Variants in KAZN observed in about 807,000 individuals in gnomAD.
KAZN encodes the protein kazrin, periplakin interacting protein, also known as kazrin.
In KAZN, 40 loss-of-function variants were observed where a neutral mutation model predicts 87.4. The ratio of observed to expected loss-of-function variants is 0.46; its 90% confidence interval spans 0.36 to 0.60. The LOEUF (loss-of-function observed/expected upper bound fraction) is 0.60, where lower values mean the gene tolerates loss of function less well. Ranked by LOEUF, KAZN falls within the 20% of genes least tolerant of loss-of-function variation. KAZN has a pLI of 0.00. For missense variants in KAZN, 898 were observed against 1,073.9 expected (o/e 0.84, Z 2.29); for synonymous variants, 466 against 458.3 (o/e 1.02, Z -0.22).
chr1:14,680,161 G>T (rs1044769931), intron 1 of KAZN, among the ~76,000 whole-genome samples: 6 of 152,298 alleles, frequency 3.9e-5, no homozygotes, highest in Middle Eastern at 3.4e-3. Context: ...ATTACGGTAT[G>T]ATTCACATAC....
intron 2 of KAZN, among the ~76,000 whole-genome samples, chr1:14,469,437 C>G (rs1460282190): frequency 6.6e-6 from 1 of 152,172 alleles, no homozygotes; most frequent in African/African-American, 2.4e-5. Flanking sequence ...CTCTTTCACT[C>G]CATTCCATTC....
At chr1:14,778,332 C>T (rs74059356) in intron 1 of KAZN, among the ~76,000 whole-genome samples, 1,880 of 151,558 alleles carry the variant, frequency 0.012, 46 homozygotes, top group African/African-American at 0.042. Flanking sequence ...GTGTCAAAAC[C>T]GCAAAAGGAA....
intron 1 of KAZN, among the ~76,000 whole-genome samples, chr1:14,077,323 G>T (rs546512066): frequency 1.1e-4 from 17 of 152,274 alleles, no homozygotes; most frequent in Non-Finnish European, 2.4e-4. Context: ...TGTCTGTAAA[G>T]GGCTGTCCCC....
intron 2 of KAZN, among the ~76,000 whole-genome samples, chr1:14,388,012 C>T (rs1470669071): frequency 6.6e-6 from 1 of 152,252 alleles, no homozygotes; most frequent in African/African-American, 2.4e-5. Flanking sequence ...GATATAATCT[C>T]CTGGTGTGCC....
At chr1:14,606,568 G>A (rs953664783) in intron 1 of KAZN, among the ~76,000 whole-genome samples, 1 of 152,112 alleles carries the variant, frequency 6.6e-6, no homozygotes, top group African/African-American at 2.4e-5. Context: ...GGCAAAGCCA[G>A]AGTCTTGTGG....
At chr1:14,300,806 T>C (rs1389184642) in intron 2 of KAZN, among the ~76,000 whole-genome samples, 5 of 152,164 alleles carry the variant, frequency 3.3e-5, no homozygotes, top group African/African-American at 1.2e-4. Flanking sequence ...ACAAATCAGT[T>C]TGGCGTATCA....
intron 1 of KAZN, among the ~76,000 whole-genome samples, chr1:14,167,740 C>CAAAAGA (rs112522340): frequency 6.6e-6 from 1 of 151,714 alleles, no homozygotes; most frequent in African/African-American, 2.4e-5. Context: ...AAAACAAAAA[C>CAAAAGA]AAACAAGGAA....
At chr1:14,040,358 G>A (rs76565169) in intron 1 of KAZN, among the ~76,000 whole-genome samples, 1 of 152,134 alleles carries the variant, frequency 6.6e-6, no homozygotes, top group Non-Finnish European at 1.5e-5. Flanking sequence ...CAGATCTCCC[G>A]TGTATGTGGC....
intron 2 of KAZN, among the ~76,000 whole-genome samples, chr1:14,499,830 C>G (rs1670145165): frequency 6.6e-6 from 1 of 152,296 alleles, no homozygotes; most frequent in South Asian, 2.1e-4. Context: ...TCCTGAAACC[C>G]TCACTGAGCT....
intron 2 of KAZN, among the ~76,000 whole-genome samples, chr1:14,978,160 T>C (rs1665857621): frequency 6.6e-6 from 1 of 152,204 alleles, no homozygotes; most frequent in African/African-American, 2.4e-5. Flanking sequence ...TGGTTCTTGC[T>C]AAAGACCTCT....
intron 2 of KAZN, among the ~76,000 whole-genome samples, chr1:14,354,584 A>G (rs1483320074): frequency 1.3e-5 from 2 of 151,998 alleles, no homozygotes; most frequent in Non-Finnish European, 2.9e-5. Context: ...AGTCATCAGG[A>G]AAATTCCAAA....
intron 2 of KAZN, among the ~76,000 whole-genome samples, chr1:15,019,077 CA>C (rs780958733): frequency 3.2e-4 from 48 of 152,168 alleles, no homozygotes; most frequent in African/African-American, 1.1e-3. Context: ...CATCTTATCC[CA>C]GCAGCCATAC....
chr1:14,262,105 A>G (rs1651071118), intron 2 of KAZN, among the ~76,000 whole-genome samples: 1 of 152,162 alleles, frequency 6.6e-6, no homozygotes, highest in Non-Finnish European at 1.5e-5. Context: ...TGAAAAATAA[A>G]AGTGAGTTGT....
At chr1:14,668,065 G>C (rs932057839) in intron 1 of KAZN, among the ~76,000 whole-genome samples, 1 of 152,290 alleles carries the variant, frequency 6.6e-6, no homozygotes. Context: ...TTCTGAGGTT[G>C]CTTTCAAATG....
chr1:15,038,007 T>C (rs1314861029), intron 3 of KAZN, among the ~76,000 whole-genome samples: 1 of 150,336 alleles, frequency 6.7e-6, no homozygotes, highest in Non-Finnish European at 1.5e-5. Context: ...ATCCCAGCAC[T>C]CTGAGAAGCC....
intron 2 of KAZN, among the ~76,000 whole-genome samples, chr1:14,256,292 C>T (rs1366839396): frequency 6.6e-6 from 1 of 152,116 alleles, no homozygotes; most frequent in African/African-American, 2.4e-5. Context: ...GTGTCTCTGG[C>T]CACACAATAT....
intron 4 of KAZN, among the ~76,000 whole-genome samples, chr1:15,053,867 C>T (rs1674667988): frequency 6.6e-6 from 1 of 152,224 alleles, no homozygotes. Context: ...TCAGCTTAGC[C>T]TCTGCGGTAT....
intron 1 of KAZN, among the ~76,000 whole-genome samples, chr1:14,779,798 G>A (rs1645280111): frequency 6.6e-6 from 1 of 152,150 alleles, no homozygotes; most frequent in Non-Finnish European, 1.5e-5. Flanking sequence ...TTTCTTGGCA[G>A]CTGATTTACC....
At chr1:13,951,786 G>A (rs1641354874) in intron 1 of KAZN, among the ~76,000 whole-genome samples, 1 of 152,130 alleles carries the variant, frequency 6.6e-6, no homozygotes, top group South Asian at 2.1e-4. Flanking sequence ...AAGCCATACA[G>A]ACATAGATGG....
Sources: allele counts gnomAD v4.1 joint callset (sites outside exome capture counted in the v4.1 genomes callset), GRCh38; gene constraint gnomAD v4.1.1; transcripts MANE v1.5; gene names NCBI Gene and HGNC (gene_info 2026-07-23, HGNC 2026-07-21).